Variants in ZNF385D observed in about 807,000 individuals in gnomAD.
ZNF385D encodes zinc finger protein 385D, also known as zinc finger protein 659.
In ZNF385D, 15 loss-of-function variants were observed where a neutral mutation model predicts 35.8. That is an observed-to-expected ratio of 0.42 (90% CI 0.28 to 0.64). ZNF385D has a LOEUF of 0.64. Ranked by LOEUF, ZNF385D falls within the 30% of genes least tolerant of loss-of-function variation. The pLI, the probability that ZNF385D is intolerant of heterozygous loss-of-function variation, is 0.23. For missense variants in ZNF385D, 474 were observed against 494.6 expected, an observed-to-expected ratio of 0.96 and a Z score of 0.39; for synonymous variants, 212 against 186.8, an observed-to-expected ratio of 1.13 and a Z score of -1.10.
chr3:21,899,477 A>C lies in ZNF385D; in HGVS notation c.326-234449T>G, dbSNP rs138785435. Among the ~76,000 whole-genome samples the C allele has an allele frequency of 1.8e-3, 280 of 152,224 alleles. 3 individuals carry two copies. Among genetic ancestry groups the C allele is most frequent in the African/African-American group, 5.9e-3 (247 of 41,556 alleles). ...TCCCCATTCCCAGACATTCTAATTC[A>C]ATATGTCTGGGATGGAGGCTCAAAA... On this transcript the variant is annotated intron_variant, in intron 3 of 5. Transcript: ENST00000494108.
chr3:21,610,153 AAT>A (rs1491007126), intron 2 of ZNF385D, among the ~76,000 whole-genome samples: 6 of 151,784 alleles, frequency 4.0e-5, no homozygotes, highest in Non-Finnish European at 7.4e-5. Flanking sequence ...CCAAAAAAAA[AAT>A]GTGTTTATGC....
chr3:22,262,966 G>A (rs952700680), intron 2 of ZNF385D, among the ~76,000 whole-genome samples: 4 of 151,918 alleles, frequency 2.6e-5, no homozygotes, highest in Non-Finnish European at 5.9e-5. Flanking sequence ...GATATCCAAC[G>A]TCCAGTCTTT....
At chr3:22,231,208 G>A (rs1313893459) in intron 2 of ZNF385D, among the ~76,000 whole-genome samples, 3 of 152,140 alleles carry the variant, frequency 2.0e-5, no homozygotes. Context: ...TGCCACTGGA[G>A]CATTACTCAT....
chr3:21,887,041 T>G (rs1052031702), intron 3 of ZNF385D, among the ~76,000 whole-genome samples: 1 of 152,180 alleles, frequency 6.6e-6, no homozygotes, highest in African/African-American at 2.4e-5. Flanking sequence ...CAGCATTTAT[T>G]GATCCTTTCT....
intron 2 of ZNF385D, among the ~76,000 whole-genome samples, chr3:22,294,626 A>G (rs146671372): frequency 1.3e-3 from 191 of 152,016 alleles, no homozygotes; most frequent in African/African-American, 4.5e-3. Flanking sequence ...AGTGAAAGAG[A>G]CCAGATTTGA....
At chr3:22,071,971 G>T (rs1229204095) in intron 3 of ZNF385D, among the ~76,000 whole-genome samples, 1 of 151,984 alleles carries the variant, frequency 6.6e-6, no homozygotes, top group East Asian at 1.9e-4. Flanking sequence ...GAAACCTGAA[G>T]TAAACTGTCA....
At chr3:21,975,428 T>A (rs1703534368) in intron 3 of ZNF385D, among the ~76,000 whole-genome samples, 1 of 152,020 alleles carries the variant, frequency 6.6e-6, no homozygotes, top group Non-Finnish European at 1.5e-5. Context: ...AGGATGGGAA[T>A]AATTAATGGG....
rs544688978 is a variant in ZNF385D, at chr3:22,090,877, T to C, written c.325+77940A>G. On this transcript the variant is annotated intron_variant, in intron 3 of 5. Transcript: ENST00000494108. Reference sequence around the variant, plus strand: ...CAAATCTTGTAATAACCTCACCTGTTGGAGATGCCTTGTTAGGGTCTTATG... The same window carrying C: ...CAAATCTTGTAATAACCTCACCTGTCGGAGATGCCTTGTTAGGGTCTTATG... Among the ~76,000 whole-genome samples, 112 of 152,308 alleles carry C rather than the reference T, an allele frequency of 7.4e-4. 1 individual carries two copies. Among genetic ancestry groups the C allele is most frequent in the African/African-American group, 2.5e-3 (104 of 41,576 alleles).
In ZNF385D at chr3:21,556,062, G is replaced by GTTT. The variant is rs1362972751; in HGVS notation, c.276+8509_276+8511dup. ...TTGCCCACTTTTTGACGTTTTTTTTGTTTTTGTTTTTTTTTTTTTTTTTTT... is the reference window on the plus strand; with the variant it reads ...TTGCCCACTTTTTGACGTTTTTTTTGTTTTTTTTGTTTTTTTTTTTTTTTTTTT... On this transcript the variant is annotated intron_variant, in intron 3 of 7. Transcript: ENST00000281523. Among the ~76,000 whole-genome samples, 8 of 93,140 alleles carry GTTT rather than the reference G, an allele frequency of 8.6e-5. No homozygotes were observed. The South Asian group carries it at 1.3e-3, about 15-fold the overall frequency. The allele number at this position is 93,140 out of a possible 152,430, so 61.1% of individuals were successfully genotyped here.
At chr3:21,475,292 T>C (rs532758036) in intron 4 of ZNF385D, among the ~76,000 whole-genome samples, 1 of 152,250 alleles carries the variant, frequency 6.6e-6, no homozygotes, top group East Asian at 1.9e-4. Context: ...TTAAAATCTA[T>C]ATGTATTCTA....
intron 3 of ZNF385D, among the ~76,000 whole-genome samples, chr3:22,017,907 T>C (rs971702594): frequency 2.6e-5 from 4 of 151,942 alleles, no homozygotes; most frequent in African/African-American, 9.7e-5. Context: ...GCCTATTCAA[T>C]TTATTTTTCA....
intron 3 of ZNF385D, among the ~76,000 whole-genome samples, chr3:21,558,989 C>T (rs1358429584): frequency 3.9e-5 from 5 of 128,792 alleles, no homozygotes; most frequent in Admixed American, 1.6e-4. Flanking sequence ...GCAACCCCTG[C>T]TTTTTTTTTT....
intron 3 of ZNF385D, among the ~76,000 whole-genome samples, chr3:22,086,179 CAT>C (rs1439032110): frequency 6.6e-5 from 10 of 152,282 alleles, no homozygotes; most frequent in African/African-American, 2.2e-4. Context: ...TCCTATTCAA[CAT>C]AGTGTTGGAA....
At chr3:22,146,272 A>G (rs1704847461) in intron 3 of ZNF385D, among the ~76,000 whole-genome samples, 1 of 152,226 alleles carries the variant, frequency 6.6e-6, no homozygotes, top group South Asian at 2.1e-4. Flanking sequence ...ATATTCGTTT[A>G]ATAGCTATAG....
intron 3 of ZNF385D, among the ~76,000 whole-genome samples, chr3:21,555,771 T>C (rs924289027): frequency 8.5e-5 from 13 of 152,256 alleles, no homozygotes; most frequent in Admixed American, 8.5e-4. Flanking sequence ...TGGTTCTAGA[T>C]CTTTGAGGAA....
intron 3 of ZNF385D, among the ~76,000 whole-genome samples, chr3:22,166,207 G>A (rs1706318040): frequency 7.8e-6 from 1 of 127,390 alleles, no homozygotes; most frequent in South Asian, 2.6e-4. Context: ...TATTAGTAAT[G>A]AGAGGTCACT....
intron 3 of ZNF385D, among the ~76,000 whole-genome samples, chr3:21,992,828 T>C (rs1455734507): frequency 6.6e-6 from 1 of 152,184 alleles, no homozygotes; most frequent in Admixed American, 6.5e-5. Flanking sequence ...ATATTTTGAA[T>C]TATTTGCAAT....
At chr3:22,029,155 G>T (rs570980121) in intron 3 of ZNF385D, among the ~76,000 whole-genome samples, 20 of 152,260 alleles carry the variant, frequency 1.3e-4, no homozygotes, top group African/African-American at 4.8e-4. Flanking sequence ...AGTTATGATC[G>T]CCACCTGGAC....
At chr3:21,642,191 G>C (rs2065627907) in intron 2 of ZNF385D, among the ~76,000 whole-genome samples, 1 of 152,078 alleles carries the variant, frequency 6.6e-6, no homozygotes, top group African/African-American at 2.4e-5. Context: ...TGTGCTATAT[G>C]TAAATCAGAC....
Sources: gnomAD v4.1 joint callset for allele counts (sites outside exome capture counted in the v4.1 genomes callset) on GRCh38, gnomAD v4.1.1 for gene constraint, MANE v1.5 for transcripts, NCBI Gene and HGNC (gene_info 2026-07-23, HGNC 2026-07-21) for gene names.